COL24A1: variants seen among roughly 807,000 people sequenced by gnomAD.
The protein encoded by COL24A1 is collagen alpha-1(XXIV) chain.
Under a neutral mutation model 253.9 loss-of-function variants are expected in COL24A1, and 224 were observed. The observed-to-expected ratio is 0.88, with a 90% confidence interval of 0.79 to 0.99. COL24A1 has a LOEUF of 0.99. COL24A1 is among the 50% of genes least tolerant of loss of function. The pLI, the probability that COL24A1 is intolerant of heterozygous loss-of-function variation, is 0.00. For synonymous variants in COL24A1, 685 were observed against 673.7 expected (o/e 1.02, Z -0.26); for missense variants, 2,131 against 2,068.5 (o/e 1.03, Z -0.59).
intron 1 of COL24A1, chr1:86,155,502 G>GCAT (rs1653439885): frequency 6.6e-6 from 1 of 152,324 alleles, no homozygotes. Flanking sequence ...GGGGACCAGG[G>GCAT]CATCCAGCCA....
chr1:86,050,269 G>T, intron 10 of COL24A1, 92 bp from the exon 11 acceptor site: 1 of 1,067,462 alleles, frequency 9.4e-7, no homozygotes, highest in Non-Finnish European at 1.4e-6. Context: ...TTTATTTGTA[G>T]TAGTACGAAA....
intron 19 of COL24A1, 24 bp downstream of exon 19, chr1:86,017,127 A>G (rs370420023): frequency 1.3e-6 from 2 of 1,587,652 alleles, no homozygotes; most frequent in Non-Finnish European, 1.7e-6. Context: ...TTTCAAATTT[A>G]TTAACTTTCC....
Position 85,896,247 on chromosome 1 carries a change from A to G in COL24A1, c.2832+109T>C, listed in dbSNP as rs1683704469. On this transcript the variant is annotated intron_variant, in intron 29 of 59. Coordinates refer to ENST00000370571, the MANE Select transcript of COL24A1 (RefSeq NM_152890.7). ...TGCGTTTCATACTTAGACAAAGAGA[A>G]AACTTAGAACCATACTTTTGTAGGG... 4.0e-6 allele frequency: 5 copies of G among 1,254,498 alleles called. No homozygotes were observed. In the South Asian group the frequency reaches 6.7e-5, roughly 17 times the overall value. The allele number at this position is 1,254,498 out of a possible 1,614,324, so 77.7% of individuals were successfully genotyped here.
chr1:85,852,063 C>G (rs542499595), intron 37 of COL24A1, among the ~76,000 whole-genome samples: 32 of 152,028 alleles, frequency 2.1e-4, no homozygotes, highest in East Asian at 1.2e-3. Context: ...AACAGTTAAG[C>G]CTTTAATCAA....
chr1:85,813,097 TATAGCA>T (rs1309424116), intron 47 of COL24A1, among the ~76,000 whole-genome samples: 1 of 151,818 alleles, frequency 6.6e-6, no homozygotes, highest in Non-Finnish European at 1.5e-5. Flanking sequence ...CTGATATACC[TATAGCA>T]ATATGAATGT....
intron 31 of COL24A1, among the ~76,000 whole-genome samples, chr1:85,894,971 T>A (rs1356294007): frequency 6.6e-6 from 1 of 152,154 alleles, no homozygotes; most frequent in South Asian, 2.1e-4. Context: ...TCTCCCGAGC[T>A]GCAATCTATT....
chr1:85,904,892 A>G (rs1309530265), intron 28 of COL24A1, among the ~76,000 whole-genome samples: 2 of 152,152 alleles, frequency 1.3e-5, no homozygotes, highest in African/African-American at 2.4e-5. Flanking sequence ...CATGGTATTA[A>G]TAGTGTTTGA....
chr1:86,037,061 T>G (rs1435668929), intron 12 of COL24A1, among the ~76,000 whole-genome samples: 1 of 152,206 alleles, frequency 6.6e-6, no homozygotes, highest in Non-Finnish European at 1.5e-5. Context: ...GTGTTGTATA[T>G]AGTTCTCTTC....
chr1:85,859,479 C>G (rs1160981207), intron 37 of COL24A1, among the ~76,000 whole-genome samples: 1 of 151,994 alleles, frequency 6.6e-6, no homozygotes, highest in Non-Finnish European at 1.5e-5. Context: ...TTTAAAGAAC[C>G]CATTATATGT....
chr1:85,987,872 A>G (rs1194392776), intron 19 of COL24A1, among the ~76,000 whole-genome samples: 3 of 151,918 alleles, frequency 2.0e-5, no homozygotes. Context: ...TGATTCACAA[A>G]CAATCCTGAG....
intron 53 of COL24A1, among the ~76,000 whole-genome samples, chr1:85,769,680 G>C (rs1667752362): frequency 1.3e-5 from 2 of 152,126 alleles, no homozygotes; most frequent in Non-Finnish European, 2.9e-5. Context: ...GCAGAATCTG[G>C]TAGAGGCTAA....
intron 11 of COL24A1, among the ~76,000 whole-genome samples, chr1:86,049,078 T>A (rs1387835042): frequency 6.6e-6 from 1 of 152,194 alleles, no homozygotes; most frequent in African/African-American, 2.4e-5. Context: ...GTGAGATACA[T>A]CCTCCGTTAG....
Position 85,827,160 on chromosome 1 carries a change from C to T in COL24A1, c.3682-3422G>A, listed in dbSNP as rs558413560. ...AGGGCTGTTGAATTTTGTCAAAGGC[C>T]TTTTCTGCATCTATTGAGATAATCA... On this transcript the variant is annotated intron_variant, in intron 43 of 59. Coordinates refer to ENST00000370571, the MANE Select transcript of COL24A1 (RefSeq NM_152890.7). Among the ~76,000 whole-genome samples the T allele has an allele frequency of 1.2e-4, 18 of 152,066 alleles. No homozygotes were observed. The East Asian group carries it at 3.3e-3, about 28-fold the overall frequency.
intron 33 of COL24A1, 121 bp downstream of exon 33, chr1:85,877,001 C>A (rs1210671487): frequency 1.1e-5 from 7 of 618,376 alleles, no homozygotes; most frequent in Admixed American, 3.7e-5. Flanking sequence ...TAGTTTTTTT[C>A]TGAATATGAA....
chr1:85,907,080 G>A (rs1054697961), intron 28 of COL24A1, 114 bp downstream of exon 28: 4 of 736,628 alleles, frequency 5.4e-6, no homozygotes, highest in Middle Eastern at 5.1e-4. Context: ...GAAAAAACCT[G>A]ACAAGATCTA....
intron 22 of COL24A1, among the ~76,000 whole-genome samples, chr1:85,969,604 C>CAAAAAAAAAAAAAAA (rs61128567): frequency 3.6e-5 from 1 of 27,476 alleles, no homozygotes; most frequent in East Asian, 1.8e-3. Context: ...GACTCTGTCT[C>CAAAAAAAAAAAAAAA]AAAAAAAAAA....
intron 28 of COL24A1, among the ~76,000 whole-genome samples, chr1:85,903,425 T>C (rs1359995945): frequency 6.6e-6 from 1 of 152,184 alleles, no homozygotes; most frequent in African/African-American, 2.4e-5. Context: ...TATGTCTGCT[T>C]TGACTTCTAA....
intron 52 of COL24A1, among the ~76,000 whole-genome samples, chr1:85,779,249 A>G (rs1047566173): frequency 6.6e-6 from 1 of 152,194 alleles, no homozygotes; most frequent in Admixed American, 6.5e-5. Context: ...AGGATACTCA[A>G]AGTAATTCCA....
At chr1:85,959,515 G>A (rs1179587167) in intron 24 of COL24A1, among the ~76,000 whole-genome samples, 2 of 152,134 alleles carry the variant, frequency 1.3e-5, no homozygotes, top group African/African-American at 2.4e-5. Flanking sequence ...TATTAGCTAT[G>A]TAACTTTGAA....
Sources: gnomAD v4.1 joint callset for allele counts (sites outside exome capture counted in the v4.1 genomes callset) on GRCh38, gnomAD v4.1.1 for gene constraint, MANE v1.5 for transcripts, NCBI Gene and HGNC (gene_info 2026-07-23, HGNC 2026-07-21) for gene names.